CSGALNACT1: variants seen among roughly 807,000 people sequenced by gnomAD.
CSGALNACT1 encodes the protein chondroitin sulfate N-acetylgalactosaminyltransferase 1.
CSGALNACT1 carries 52 observed loss-of-function variants against 51.0 expected under a neutral mutation model. The observed-to-expected ratio is 1.02, with a 90% CI of 0.82 to 1.29. The LOEUF (loss-of-function observed/expected upper bound fraction) is 1.29. Ranked by LOEUF, CSGALNACT1 falls within the 50% of genes most tolerant of loss-of-function variation. The probability of loss-of-function intolerance (pLI) is 0.00; values close to 1 mark genes in which losing one functional copy is unlikely to be tolerated. For synonymous variants in CSGALNACT1, 341 were observed against 254.4 expected (o/e 1.34, Z -3.24); for missense variants, 935 against 679.2 (o/e 1.38, Z -4.19).
intron 4 of CSGALNACT1, among the ~76,000 whole-genome samples, chr8:19,482,340 G>A (rs995714327): frequency 6.6e-6 from 1 of 152,154 alleles, no homozygotes; most frequent in South Asian, 2.1e-4. Flanking sequence ...CACTGTGCTG[G>A]ACAGTGCCGT....
chr8:19,725,425 C>CTTTTTT (rs749829348), intron 1 of CSGALNACT1, among the ~76,000 whole-genome samples: 8 of 136,136 alleles, frequency 5.9e-5, no homozygotes, highest in South Asian at 2.3e-4. Flanking sequence ...TTTCTTTTTT[C>CTTTTTT]TTTTTTTTTT....
intron 1 of CSGALNACT1, among the ~76,000 whole-genome samples, chr8:19,739,059 T>C (rs1277327119): frequency 6.6e-6 from 1 of 152,030 alleles, no homozygotes; most frequent in Non-Finnish European, 1.5e-5. Context: ...TTTTAAAGAA[T>C]GATAATTTTT....
chr8:19,660,806 A>T (rs961281866), intron 1 of CSGALNACT1, among the ~76,000 whole-genome samples: 4 of 152,076 alleles, frequency 2.6e-5, no homozygotes, highest in African/African-American at 9.7e-5. Flanking sequence ...AAAAGGACAC[A>T]CTCTCTACAC....
At chr8:19,668,490 T>C (rs1208780934) in intron 1 of CSGALNACT1, among the ~76,000 whole-genome samples, 1 of 152,230 alleles carries the variant, frequency 6.6e-6, no homozygotes, top group African/African-American at 2.4e-5. Context: ...AAATAACTGA[T>C]CAATTACTTC....
intron 1 of CSGALNACT1, among the ~76,000 whole-genome samples, chr8:19,680,611 AC>A (rs1000884656): frequency 2.8e-5 from 4 of 140,766 alleles, no homozygotes; most frequent in African/African-American, 1.1e-4. Context: ...AATTTTAAAT[AC>A]AGTATAACAA....
chr8:19,420,278 G>A, intron 7 of CSGALNACT1, 62 bp downstream of exon 6: 7 of 1,489,358 alleles, frequency 4.7e-6, no homozygotes, highest in African/African-American at 1.4e-5. Flanking sequence ...CCATCAAGAG[G>A]ACGACACATG....
chr8:19,477,857 A>G (rs2070148758), intron 4 of CSGALNACT1, among the ~76,000 whole-genome samples: 1 of 152,236 alleles, frequency 6.6e-6, no homozygotes, highest in African/African-American at 2.4e-5. Context: ...CTAGAATACT[A>G]TTTGGGAGTG....
chr8:19,449,724 G>C (rs1205174084), intron 5 of CSGALNACT1, among the ~76,000 whole-genome samples: 2 of 152,092 alleles, frequency 1.3e-5, no homozygotes, highest in African/African-American at 4.8e-5. Flanking sequence ...TCAAGTCTGA[G>C]GAGGAATATA....
chr8:19,745,108 G>A (rs186090680), intron 1 of CSGALNACT1, among the ~76,000 whole-genome samples: 9 of 152,272 alleles, frequency 5.9e-5, no homozygotes, highest in Admixed American at 4.6e-4. Flanking sequence ...GTATTCCATC[G>A]ATGTGAATCT....
intron 1 of CSGALNACT1, among the ~76,000 whole-genome samples, chr8:19,742,507 G>C (rs6999968): frequency 0.16 from 24,692 of 152,100 alleles, 2,176 homozygotes; most frequent in Middle Eastern, 0.3. Context: ...CAACTCCTCC[G>C]CTGAGACCTG....
upstream of CSGALNACT1, among the ~76,000 whole-genome samples, chr8:19,606,249 T>C (rs1193440142): frequency 1.3e-5 from 2 of 152,230 alleles, no homozygotes; most frequent in Non-Finnish European, 2.9e-5. Context: ...ATGTGGCTAA[T>C]TTTATATATA....
At chr8:19,694,150 C>T (rs2061469301) in intron 1 of CSGALNACT1, among the ~76,000 whole-genome samples, 1 of 152,126 alleles carries the variant, frequency 6.6e-6, no homozygotes, top group Non-Finnish European at 1.5e-5. Flanking sequence ...AAGTTTGTGA[C>T]TTGAAATAAC....
intron 1 of CSGALNACT1, among the ~76,000 whole-genome samples, chr8:19,662,487 G>C (rs1031450055): frequency 6.6e-6 from 1 of 152,192 alleles, no homozygotes; most frequent in Non-Finnish European, 1.5e-5. Flanking sequence ...TAAACTGTTA[G>C]GCTGATGTTT....
At chr8:19,585,687 T>A (rs997823622) in intron 3 of CSGALNACT1, among the ~76,000 whole-genome samples, 1 of 152,186 alleles carries the variant, frequency 6.6e-6, no homozygotes, top group Non-Finnish European at 1.5e-5. Flanking sequence ...TGCTGAGGAA[T>A]GGAGATTCTA....
chr8:19,507,553 G>C (rs78398200), intron 3 of CSGALNACT1, among the ~76,000 whole-genome samples: 2 of 90,570 alleles, frequency 2.2e-5, no homozygotes, highest in African/African-American at 9.8e-5. Context: ...AAAAAAAAAA[G>C]AATGATTAAT....
chr8:19,502,309 C>T (rs564349047), intron 4 of CSGALNACT1, among the ~76,000 whole-genome samples: 20 of 152,088 alleles, frequency 1.3e-4, no homozygotes, highest in South Asian at 4.1e-4. Context: ...CTGGGAAGGG[C>T]GACAGAGAAC....
intron 1 of CSGALNACT1, among the ~76,000 whole-genome samples, chr8:19,639,594 T>C (rs1232796961): frequency 6.6e-6 from 1 of 152,054 alleles, no homozygotes; most frequent in African/African-American, 2.4e-5. Context: ...AAATGGGTAA[T>C]GAATATTGAA....
chr8:19,468,002 A>C (rs375616122), intron 4 of CSGALNACT1, among the ~76,000 whole-genome samples: 53 of 152,344 alleles, frequency 3.5e-4, no homozygotes, highest in African/African-American at 1.3e-3. Flanking sequence ...TAAAAATAAA[A>C]AAGATGAACA....
At chr8:19,507,526 C>CAAAAAAAAAAA (rs1293553957) in intron 3 of CSGALNACT1, among the ~76,000 whole-genome samples, 1 of 51,320 alleles carries the variant, frequency 1.9e-5, no homozygotes, top group African/African-American at 1.5e-4. Context: ...CCATCTTAGC[C>CAAAAAAAAAAA]AGAAAAAAAA....
Sources: allele counts gnomAD v4.1 joint callset (sites outside exome capture counted in the v4.1 genomes callset), GRCh38; gene constraint gnomAD v4.1.1; transcripts MANE v1.5; gene names NCBI Gene and HGNC (gene_info 2026-07-23, HGNC 2026-07-21).